EVI5: variants seen among roughly 807,000 people sequenced by gnomAD.
The protein encoded by EVI5 is ecotropic viral integration site 5 protein homolog.
A neutral mutation model predicts 112.0 loss-of-function variants in EVI5; 73 were observed. That is an observed-to-expected ratio of 0.65 (90% CI 0.54 to 0.79). The LOEUF (loss-of-function observed/expected upper bound fraction) is 0.79, where lower values mean the gene tolerates loss of function less well. Among genes scored for constraint, EVI5 ranks in the 30% least tolerant of loss-of-function variants. The pLI is 0.00. For synonymous variants in EVI5, 305 were observed against 319.9 expected (o/e 0.95, Z 0.50); for missense variants, 900 against 968.8 (o/e 0.93, Z 0.94).
At chr1:92,705,012 C>T (rs563924958) in intron 2 of EVI5, among the ~76,000 whole-genome samples, 1 of 152,178 alleles carries the variant, frequency 6.6e-6, no homozygotes, top group South Asian at 2.1e-4. Flanking sequence ...CCTTCGTCTC[C>T]ATTAAAAATT....
At chr1:92,595,504 A>C (rs1397604652) in intron 18 of EVI5, among the ~76,000 whole-genome samples, 1 of 152,230 alleles carries the variant, frequency 6.6e-6, no homozygotes, top group Non-Finnish European at 1.5e-5. Flanking sequence ...AGCATGGCAC[A>C]CGTATACATA....
chr1:92,603,866 C>A (rs1396452059), intron 18 of EVI5, among the ~76,000 whole-genome samples: 2 of 151,946 alleles, frequency 1.3e-5, no homozygotes. Context: ...GTAACCGCGA[C>A]TGGGACTATA....
At chr1:92,630,797 T>A (rs970496970) in intron 14 of EVI5, among the ~76,000 whole-genome samples, 11 of 152,242 alleles carry the variant, frequency 7.2e-5, no homozygotes, top group African/African-American at 2.7e-4. Context: ...TTTTTATGGT[T>A]TTAGGTCTAA....
At chr1:92,717,022 G>C (rs1451116077) in intron 2 of EVI5, among the ~76,000 whole-genome samples, 3 of 151,326 alleles carry the variant, frequency 2.0e-5, no homozygotes, top group Non-Finnish European at 4.4e-5. Context: ...TCACAAGGCA[G>C]CTAAAAACCT....
chr1:92,652,146 T>A (rs1472634613), intron 13 of EVI5, among the ~76,000 whole-genome samples: 1 of 152,212 alleles, frequency 6.6e-6, no homozygotes, highest in African/African-American at 2.4e-5. Context: ...ATATACATAC[T>A]ATGGAATTTT....
chr1:92,528,450 C>T (rs1047720994), intron 19 of EVI5, among the ~76,000 whole-genome samples: 1 of 152,146 alleles, frequency 6.6e-6, no homozygotes, highest in Non-Finnish European at 1.5e-5. Context: ...CCAGCAATTC[C>T]ATTCCTAGGC....
intron 18 of EVI5, among the ~76,000 whole-genome samples, chr1:92,567,252 A>G (rs1669644639): frequency 6.6e-6 from 1 of 152,260 alleles, no homozygotes; most frequent in Non-Finnish European, 1.5e-5. Context: ...AAAAGTTAAA[A>G]AAAATTAAGT....
At position 92,635,347 on chromosome 1, in the gene EVI5, G is replaced by C. The variant is rs77914433; in HGVS notation, c.1527+855C>G. Among the ~76,000 whole-genome samples the C allele has an allele frequency of 7.6e-4, 115 of 152,294 alleles. 3 individuals are homozygous for C. The South Asian group carries it at 0.023, about 31-fold the overall frequency. On this transcript the variant is annotated intron_variant, in intron 14 of 19. Transcript: ENST00000684568. ...TCCACCCAGTTGGAGCTTCCTGGCC[G>C]CGTTGTTTACCTACTCAAGCCTCGG...
intron 1 of EVI5, chr1:92,749,080 A>ACCTGTCT (rs1385543984): frequency 5.8e-6 from 1 of 171,676 alleles, no homozygotes; most frequent in Non-Finnish European, 1.2e-5. Flanking sequence ...AAAAAAAAAA[A>ACCTGTCT]AAAAAGAAAA....
chr1:92,756,391 C>G (rs553705831), intron 1 of EVI5: 2 of 533,182 alleles, frequency 3.8e-6, no homozygotes, highest in Non-Finnish European at 7.6e-6. Flanking sequence ...AAAATTACCC[C>G]TTTCTAAATT....
chr1:92,776,803 C>CTT (rs1229355512), intron 1 of EVI5, among the ~76,000 whole-genome samples: 5 of 130,904 alleles, frequency 3.8e-5, no homozygotes, highest in Non-Finnish European at 4.9e-5. Flanking sequence ...AGCCAGCTAA[C>CTT]TTTTTTTTTT....
Position 92,572,175 on chromosome 1 carries a change from A to G in EVI5, c.2071-8438T>C, listed in dbSNP as rs139213703. Among the ~76,000 whole-genome samples, 596 of 152,240 alleles carry G rather than the reference A, an allele frequency of 3.9e-3. 12 individuals are homozygous for G. The highest frequency in any genetic ancestry group is 0.035 in the Admixed American group (540 of 15,276). On this transcript the variant is annotated intron_variant, in intron 18 of 19. Transcript: ENST00000684568. ...TTTGTATGTATGAGGTTCTTAATCA[A>G]ATGGTCATCAATAACTCAATTAATG...
chr1:92,784,861 C>G lies in EVI5; in HGVS notation c.-107G>C, dbSNP rs971611317. 1.0e-6 allele frequency: 1 copy of G among 985,602 alleles called. No homozygotes were observed. Among genetic ancestry groups the G allele is most frequent in the African/African-American group, 1.7e-5 (1 of 57,212 alleles). 61.1% of individuals were successfully genotyped at this position (985,602 alleles called of 1,614,324 possible). A position where few individuals can be genotyped will look rare whatever the true frequency, so the allele number is the denominator to read the frequency against. ...CTTGGAAACGTTGAGTAGACTTCGC[C>G]GTAAACATTAACTTCCCATCCAGCC... On this transcript the variant is annotated 5_prime_UTR_variant, in exon 1 of 20. Transcript: ENST00000684568.
At chr1:92,713,600 A>G (rs556902635) in intron 2 of EVI5, among the ~76,000 whole-genome samples, 1 of 151,928 alleles carries the variant, frequency 6.6e-6, no homozygotes, top group Non-Finnish European at 1.5e-5. Flanking sequence ...ACATGGTGAA[A>G]CCCCATCTCT....
At chr1:92,761,257 A>T (rs1025254279) in intron 1 of EVI5, among the ~76,000 whole-genome samples, 1 of 152,156 alleles carries the variant, frequency 6.6e-6, no homozygotes, top group Non-Finnish European at 1.5e-5. Context: ...AGGTAATTAT[A>T]TCTCAGGGAT....
chr1:92,729,004 G>T (rs1676048417), intron 2 of EVI5, among the ~76,000 whole-genome samples: 1 of 152,172 alleles, frequency 6.6e-6, no homozygotes, highest in Non-Finnish European at 1.5e-5. Context: ...CAAAAGTAGT[G>T]ATGCTGGCAA....
At chr1:92,646,343 A>G (rs1354463382) in intron 13 of EVI5, among the ~76,000 whole-genome samples, 5 of 152,214 alleles carry the variant, frequency 3.3e-5, no homozygotes, top group African/African-American at 1.2e-4. Flanking sequence ...ACAGTTCTAC[A>G]GCTTGTTCAA....
chr1:92,647,553 GT>G lies in EVI5; in HGVS notation c.1393-11218del. ...CTGCAAAATTGACAGAGACCTCTGG[GT>G]TTCTCTTATGTTCTTCTCTGCATGT... On this transcript the variant is annotated intron_variant, in intron 13 of 19. Coordinates refer to ENST00000684568, the MANE Select transcript of EVI5 (RefSeq NM_001350197.2). 5.6e-6 allele frequency: 3 copies of G among 539,638 alleles called. No homozygotes were observed. In the South Asian group the frequency reaches 6.0e-5, roughly 11 times the overall value. The allele number at this position is 539,638 out of a possible 1,614,324, so 33.4% of individuals were successfully genotyped here.
chr1:92,563,571 A>G (rs1395059464), intron 19 of EVI5, 71 bp downstream of exon 19: 13 of 700,140 alleles, frequency 1.9e-5, no homozygotes, highest in Non-Finnish European at 3.2e-5. Context: ...TCTTATAACC[A>G]GTAATAAAGT....
Sources: gnomAD v4.1 joint callset for allele counts (sites outside exome capture counted in the v4.1 genomes callset) on GRCh38, gnomAD v4.1.1 for gene constraint, MANE v1.5 for transcripts, NCBI Gene and HGNC (gene_info 2026-07-23, HGNC 2026-07-21) for gene names.